The following PRKN variants were observed in gnomAD, a reference collection of about 807,000 sequenced individuals.
PRKN encodes parkin RBR E3 ubiquitin protein ligase.
In PRKN, 56 loss-of-function variants were observed where a neutral mutation model predicts 59.5. That is an observed-to-expected ratio of 0.94 (90% CI 0.76 to 1.18). The LOEUF (loss-of-function observed/expected upper bound fraction) is 1.18, where lower values mean the gene tolerates loss of function less well. Ranked by LOEUF, PRKN falls within the 50% of genes most tolerant of loss-of-function variation. PRKN has a pLI of 0.00. For missense variants in PRKN, 657 were observed against 596.4 expected (o/e 1.10, Z -1.06); for synonymous variants, 250 against 222.1 (o/e 1.13, Z -1.12).
At chr6:161,815,099 G>C (rs184284495) in intron 6 of PRKN, among the ~76,000 whole-genome samples, 1 of 152,184 alleles carries the variant, frequency 6.6e-6, no homozygotes, top group Non-Finnish European at 1.5e-5. Context: ...ACCATAAGCC[G>C]CATTTCATCC....
chr6:161,700,883 T>C (rs536913742), intron 7 of PRKN, among the ~76,000 whole-genome samples: 2 of 152,306 alleles, frequency 1.3e-5, no homozygotes, highest in East Asian at 1.9e-4. Flanking sequence ...CCAAAAGGAA[T>C]TGTAATGAAG....
intron 6 of PRKN, among the ~76,000 whole-genome samples, chr6:161,898,611 T>C (rs1250914387): frequency 6.6e-6 from 1 of 152,178 alleles, no homozygotes; most frequent in East Asian, 1.9e-4. Context: ...AAGCTAAAGT[T>C]GCGGGCATCT....
chr6:162,020,338 A>T (rs796230779), intron 5 of PRKN, among the ~76,000 whole-genome samples: 1 of 120,362 alleles, frequency 8.3e-6, no homozygotes, highest in African/African-American at 4.3e-5. Flanking sequence ...GAATCAAAAA[A>T]AAAAAAAAAA....
intron 1 of PRKN, among the ~76,000 whole-genome samples, chr6:162,688,560 T>A (rs1282235670): frequency 6.6e-6 from 1 of 152,140 alleles, no homozygotes; most frequent in Non-Finnish European, 1.5e-5. Context: ...TAAAACAAAA[T>A]TTAACTGTTA....
intron 6 of PRKN, among the ~76,000 whole-genome samples, chr6:161,876,785 G>A (rs983771826): frequency 2.0e-5 from 3 of 151,956 alleles, no homozygotes; most frequent in African/African-American, 7.2e-5. Flanking sequence ...GCCAGTATCT[G>A]TAGAATATTT....
chr6:161,865,771 G>T (rs1310786124), intron 6 of PRKN, among the ~76,000 whole-genome samples: 2 of 152,142 alleles, frequency 1.3e-5, no homozygotes, highest in East Asian at 3.9e-4. Flanking sequence ...ATCCAGACCA[G>T]AGTTTTTCCA....
At chr6:161,602,294 TATGACACTGA>T in intron 7 of PRKN, among the ~76,000 whole-genome samples, 1 of 152,360 alleles carries the variant, frequency 6.6e-6, no homozygotes, top group Admixed American at 6.5e-5. Flanking sequence ...TATTTCTACG[TATGACACTGA>T]ATTTTTACAT....
intron 6 of PRKN, among the ~76,000 whole-genome samples, chr6:161,861,578 A>G (rs1013533279): frequency 2.6e-4 from 39 of 150,324 alleles, no homozygotes; most frequent in African/African-American, 9.6e-4. Context: ...TGTATCCCAG[A>G]ACTTAAAAGT....
chr6:162,549,246 C>G (rs1198177452), intron 1 of PRKN, among the ~76,000 whole-genome samples: 1 of 150,528 alleles, frequency 6.6e-6, no homozygotes, highest in Non-Finnish European at 1.5e-5. Flanking sequence ...CACCTGACTT[C>G]CAGCCTGACT....
chr6:161,752,008 G>C (rs1315946485), intron 7 of PRKN, among the ~76,000 whole-genome samples: 3 of 152,240 alleles, frequency 2.0e-5, no homozygotes, highest in Non-Finnish European at 4.4e-5. Context: ...GCAAGGGAAG[G>C]AGAGATATGA....
intron 1 of PRKN, among the ~76,000 whole-genome samples, chr6:162,683,939 C>T (rs565776733): frequency 5.9e-4 from 90 of 152,184 alleles, no homozygotes; most frequent in African/African-American, 2.1e-3. Context: ...AAAAAACGTA[C>T]ACCTTTCTTT....
In PRKN at chr6:161,353,175, A is replaced by G. The variant is rs972809175; in HGVS notation, c.1286-2964T>C. Among the ~76,000 whole-genome samples the G allele has an allele frequency of 6.6e-6, 1 of 152,158 alleles. No homozygotes were observed. The highest frequency in any genetic ancestry group is 1.5e-5 in the Non-Finnish European group (1 of 68,028). On this transcript the variant is annotated intron_variant, in intron 11 of 11. Coordinates refer to ENST00000366898, the MANE Select transcript of PRKN (RefSeq NM_004562.3). This position sits in a 1 kb window ranked among gnomAD's most constrained non-coding sequence, Gnocchi z 4.8. ...TGTTGGGGCAATTCAGGCCTCAGAA[A>G]CAGGCGCCAGAAAAGAGAATCTCTC...
chr6:161,876,447 G>A (rs982472776), intron 6 of PRKN, among the ~76,000 whole-genome samples: 6 of 152,086 alleles, frequency 3.9e-5, no homozygotes, highest in Non-Finnish European at 4.4e-5. Context: ...AAGTAGTTGT[G>A]ACTACAGGCG....
chr6:162,267,959 T>C (rs1780209211), intron 2 of PRKN, among the ~76,000 whole-genome samples: 1 of 152,168 alleles, frequency 6.6e-6, no homozygotes, highest in Admixed American at 6.6e-5. Context: ...AAGCACTTAA[T>C]AAAGAGTTAC....
intron 6 of PRKN, among the ~76,000 whole-genome samples, chr6:161,874,782 G>GTACAATATATAAAAATA (rs1562356059): frequency 1.1e-5 from 1 of 90,140 alleles, no homozygotes; most frequent in African/African-American, 5.4e-5. Context: ...TATATAAAAT[G>GTACAATATATAAAAATA]TATAATAAAT....
chr6:162,213,256 T>C (rs74867391), intron 3 of PRKN, among the ~76,000 whole-genome samples: 11,989 of 152,050 alleles, frequency 0.079, 690 homozygotes, highest in Middle Eastern at 0.13. Flanking sequence ...ACAATAAATA[T>C]TGGGGGAAAT....
chr6:162,475,076 T>C (rs1245304598), intron 1 of PRKN, among the ~76,000 whole-genome samples: 3 of 152,212 alleles, frequency 2.0e-5, no homozygotes, highest in Non-Finnish European at 4.4e-5. Context: ...ATGCTTCACA[T>C]AGAATTTGCC....
In PRKN at chr6:161,357,035, C is replaced by T. The variant is rs1204343338; in HGVS notation, c.1285+3053G>A. On this transcript the variant is annotated intron_variant, in intron 11 of 11. Coordinates refer to ENST00000366898, the MANE Select transcript of PRKN (RefSeq NM_004562.3). This position sits in a 1 kb window ranked among gnomAD's most constrained non-coding sequence, Gnocchi z 5.5. The stretch of plus-strand genomic sequence containing the variant: ...AAACAGAAAGCAACAGGTCCAGGTT[C>T]GCTGACCACTTCCTTTTTTTTTTTT... 2.0e-5 allele frequency among the ~76,000 whole-genome samples: 3 copies of T among 149,546 alleles called. No individual in the cohort carries two copies. The highest frequency in any genetic ancestry group is 3.0e-5 in the Non-Finnish European group (2 of 67,660).
chr6:161,779,881 A>G lies in PRKN; in HGVS notation c.871+5891T>C, dbSNP rs967038948. Among the ~76,000 whole-genome samples the G allele has an allele frequency of 2.6e-5, 4 of 152,204 alleles. 1 individual carries two copies. Among genetic ancestry groups the G allele is most frequent in the African/African-American group, 9.6e-5 (4 of 41,454 alleles). ...AGATGGGTAATTGGCTGATTTATGC[A>G]TTGAATTATAGGAAATCCCAATCCC... On this transcript the variant is annotated intron_variant, in intron 7 of 11. Coordinates refer to ENST00000366898, the MANE Select transcript of PRKN (RefSeq NM_004562.3).
Sources: gnomAD v4.1 joint callset for allele counts (sites outside exome capture counted in the v4.1 genomes callset) on GRCh38, gnomAD v4.1.1 for gene constraint, Gnocchi (gnomAD v3.1) non-coding constraint, MANE v1.5 for transcripts, NCBI Gene and HGNC (gene_info 2026-07-23, HGNC 2026-07-21) for gene names.